MECOM: variants seen among roughly 807,000 people sequenced by gnomAD.
The protein encoded by MECOM is histone-lysine N-methyltransferase MECOM.
Under a neutral mutation model 116.3 loss-of-function variants are expected in MECOM, and 13 were observed. The ratio of observed to expected loss-of-function variants is 0.11; its 90% CI spans 0.07 to 0.18. The LOEUF is 0.18. Among genes scored for constraint, MECOM ranks in the 10% least tolerant of loss-of-function variants. The pLI, the probability that MECOM is intolerant of heterozygous loss-of-function variation, is 1.00. For synonymous variants in MECOM, 528 were observed against 535.2 expected, an observed-to-expected ratio of 0.99 and a Z score of 0.19; for missense variants, 1,299 against 1,509.0, an observed-to-expected ratio of 0.86 and a Z score of 2.31.
At chr3:169,443,106 G>T (rs1744017970) in intron 1 of MECOM, among the ~76,000 whole-genome samples, 1 of 152,168 alleles carries the variant, frequency 6.6e-6, no homozygotes, top group South Asian at 2.1e-4. Context: ...ATATTTGAAA[G>T]TATCTACCAG....
intron 12 of MECOM, among the ~76,000 whole-genome samples, chr3:169,100,423 A>G (rs1174197330): frequency 6.6e-6 from 1 of 151,862 alleles, no homozygotes; most frequent in Admixed American, 6.6e-5. Context: ...TAAACCTCCT[A>G]TTGGAATCCA....
intron 9 of MECOM, among the ~76,000 whole-genome samples, chr3:169,111,720 A>G (rs57799358): frequency 0.029 from 4,395 of 152,170 alleles, 200 homozygotes; most frequent in African/African-American, 0.1. Context: ...GATTTATCCA[A>G]CTAACCCAGA....
At chr3:169,479,195 G>C (rs914812912) in intron 1 of MECOM, among the ~76,000 whole-genome samples, 7 of 151,932 alleles carry the variant, frequency 4.6e-5, no homozygotes, top group African/African-American at 1.7e-4. Flanking sequence ...TCTAACATAC[G>C]CTAGGGTCTC....
intron 2 of MECOM, among the ~76,000 whole-genome samples, chr3:169,177,843 G>T (rs888651648): frequency 6.6e-6 from 1 of 151,698 alleles, no homozygotes; most frequent in Non-Finnish European, 1.5e-5. Flanking sequence ...GCTTGAACCC[G>T]GGAGGCAGAG....
intron 1 of MECOM, among the ~76,000 whole-genome samples, chr3:169,596,198 T>C (rs1162683317): frequency 6.6e-6 from 1 of 152,204 alleles, no homozygotes; most frequent in African/African-American, 2.4e-5. Flanking sequence ...CCGAGAGATG[T>C]GCAAGTTTCA....
intron 2 of MECOM, among the ~76,000 whole-genome samples, chr3:169,254,808 G>T (rs761458433): frequency 6.6e-6 from 1 of 152,006 alleles, no homozygotes; most frequent in Non-Finnish European, 1.5e-5. Context: ...AATAATCAAA[G>T]TTAGAAGTGG....
intron 1 of MECOM, among the ~76,000 whole-genome samples, chr3:169,521,019 T>C (rs1757288461): frequency 6.6e-6 from 1 of 152,146 alleles, no homozygotes; most frequent in South Asian, 2.1e-4. Context: ...TGAAGCTCAA[T>C]AAATGGGAAG....
intron 2 of MECOM, among the ~76,000 whole-genome samples, chr3:169,180,406 A>T (rs1475862697): frequency 6.6e-6 from 1 of 152,098 alleles, no homozygotes; most frequent in East Asian, 1.9e-4. Flanking sequence ...CCCTTTAGCC[A>T]TGTGTGTATG....
In MECOM at chr3:169,217,321, A is replaced by G. The variant is rs544981941; in HGVS notation, c.376-73489T>C. Among the ~76,000 whole-genome samples the G allele has an allele frequency of 6.2e-4, 95 of 152,290 alleles. 1 individual carries two copies. In the Middle Eastern group the frequency reaches 0.01, roughly 16 times the overall value. On this transcript the variant is annotated intron_variant, in intron 2 of 16. Coordinates refer to ENST00000651503, the MANE Select transcript of MECOM (RefSeq NM_004991.4). ...GACAATAAAATATATAACACAAAGG[A>G]AAGATTCTGATATAGGATTACATTT...
rs373496849 is a variant in MECOM, at chr3:169,647,073, C to T, written c.37+16263G>A. On this transcript the variant is annotated intron_variant, in intron 1 of 16. Coordinates refer to ENST00000651503, the MANE Select transcript of MECOM (RefSeq NM_004991.4). ...GTGTCTTTTTTCCAAAATCTTATTA[C>T]GTTTTATGAGCTTTGGAATGCCCAG... 9.5e-4 allele frequency among the ~76,000 whole-genome samples: 144 copies of T among 152,198 alleles called. 1 individual carries two copies. Among genetic ancestry groups the T allele is most frequent in the African/African-American group, 3.3e-3 (138 of 41,536 alleles).
At chr3:169,569,975 A>C (rs1185837295) in intron 1 of MECOM, among the ~76,000 whole-genome samples, 1 of 152,138 alleles carries the variant, frequency 6.6e-6, no homozygotes, top group Non-Finnish European at 1.5e-5. Context: ...TAACAGAAGA[A>C]ATAACTAAGA....
intron 2 of MECOM, 142 bp downstream of exon 2, chr3:169,381,045 G>C: frequency 1.3e-6 from 1 of 742,666 alleles, no homozygotes. Flanking sequence ...TAAGAAGTGA[G>C]ATTGTAAAGG....
intron 1 of MECOM, among the ~76,000 whole-genome samples, chr3:169,598,488 A>C (rs189061463): frequency 3.3e-5 from 5 of 152,338 alleles, no homozygotes; most frequent in Admixed American, 3.3e-4. Context: ...AAAATGTAAG[A>C]AGATAGCAGA....
chr3:169,572,173 G>A (rs1263725584), intron 1 of MECOM, among the ~76,000 whole-genome samples: 1 of 152,088 alleles, frequency 6.6e-6, no homozygotes, highest in African/African-American at 2.4e-5. Context: ...ATCAAAAAGT[G>A]GATGAATGAT....
rs1210420600 is a variant in MECOM at position 169,083,587 on chromosome 3, G to T, written c.*1322C>A. On this transcript the variant is annotated 3_prime_UTR_variant, in exon 17 of 17. Coordinates refer to ENST00000651503, the MANE Select transcript of MECOM (RefSeq NM_004991.4). ...GGCATAACAGTTTATATTGTACAAA[G>T]CATTTGAAGAAAGTACCTCAACTTG... 5.2e-6 allele frequency: 1 copy of T among 190,648 alleles called. No individual in the cohort carries two copies. Among genetic ancestry groups the T allele is most frequent in the Non-Finnish European group, 1.1e-5 (1 of 90,634 alleles). The allele number at this position is 190,648 out of a possible 1,614,324, so 11.8% of individuals were successfully genotyped here. A position where few individuals can be genotyped will look rare whatever the true frequency, so the allele number is the denominator to read the frequency against.
chr3:169,167,812 C>T (rs1743825981), intron 2 of MECOM, among the ~76,000 whole-genome samples: 2 of 151,314 alleles, frequency 1.3e-5, no homozygotes, highest in Non-Finnish European at 3.0e-5. Flanking sequence ...TTCAAAATTG[C>T]TTTTAATAAA....
rs137921444 is a variant in MECOM at position 169,341,518 on chromosome 3, G to A, written c.375+39669C>T. On this transcript the variant is annotated intron_variant, in intron 2 of 16. Transcript: ENST00000651503. ...ACACTTTGGGAGGCCGAGGTGGGAG[G>A]ATCATGAGGTCAAGAAATCGAGACC... Among the ~76,000 whole-genome samples the A allele has an allele frequency of 6.3e-3, 957 of 151,036 alleles. 3 individuals are homozygous for A. Among genetic ancestry groups the A allele is most frequent in the Middle Eastern group, 0.021 (6 of 286 alleles).
chr3:169,506,263 GTC>G (rs1755205044), intron 1 of MECOM, among the ~76,000 whole-genome samples: 1 of 152,140 alleles, frequency 6.6e-6, no homozygotes, highest in Non-Finnish European at 1.5e-5. Flanking sequence ...ATTAAAAACT[GTC>G]TATTTAGTGC....
chr3:169,574,528 G>A (rs1225771202), intron 1 of MECOM, among the ~76,000 whole-genome samples: 2 of 152,166 alleles, frequency 1.3e-5, no homozygotes, highest in Non-Finnish European at 2.9e-5. Flanking sequence ...TACTTACAAT[G>A]CTTAGTATTC....
Sources: gnomAD v4.1 joint callset for allele counts (sites outside exome capture counted in the v4.1 genomes callset) on GRCh38, gnomAD v4.1.1 for gene constraint, MANE v1.5 for transcripts, NCBI Gene and HGNC (gene_info 2026-07-23, HGNC 2026-07-21) for gene names.